The following RTEL1 variants were observed in gnomAD, a reference collection of about 807,000 sequenced individuals.
RTEL1 encodes the protein regulator of telomere length.
RTEL1 carries 86 observed loss-of-function variants against 162.2 expected under a neutral mutation model. The observed-to-expected ratio is 0.53, with a 90% CI of 0.45 to 0.63. The LOEUF is 0.63. Among genes scored for constraint, RTEL1 ranks in the 30% least tolerant of loss-of-function variants. The pLI is 0.00. For synonymous variants in RTEL1, 958 were observed against 717.9 expected (o/e 1.33, Z -5.35); for missense variants, 1,941 against 1,750.2 (o/e 1.11, Z -1.95).
intron 14 of RTEL1, among the ~76,000 whole-genome samples, chr20:63,683,663 C>T (rs1601149484): frequency 1.3e-5 from 2 of 152,206 alleles, no homozygotes; most frequent in South Asian, 4.1e-4. Context: ...AGAACTCCCT[C>T]AAGTCTGCGG....
chr20:63,672,083 C>T (rs1410174421), intron 8 of RTEL1, among the ~76,000 whole-genome samples: 1 of 129,506 alleles, frequency 7.7e-6, no homozygotes, highest in African/African-American at 3.1e-5. Context: ...GGGGTTTTAC[C>T]ATGTTGGCCA....
rs754642304 is a variant in RTEL1 at position 63,687,792 on chromosome 20, G to A, written c.1481+22G>A. ...AGATGTACGGGCCACCCCTGCCAGG[G>A]CCTGAGCACCGGTGACACCTCTGAC... On this transcript the variant is annotated intron_variant, in intron 17 of 34. Transcript: ENST00000360203. 2.6e-6 allele frequency: 4 copies of A among 1,559,070 alleles called. No homozygotes were observed. The Admixed American group carries it at 7.6e-5, about 30-fold the overall frequency.
intron 18 of RTEL1, 24 bp downstream of exon 18, chr20:63,688,074 G>C (rs1458168948): frequency 6.2e-7 from 1 of 1,611,506 alleles, no homozygotes; most frequent in Non-Finnish European, 8.5e-7. Context: ...CCTGGGCCCT[G>C]CTGGGGTGGG....
chr20:63,692,834 C>T lies in RTEL1; in HGVS notation c.2682C>T (p.Asp894=), dbSNP rs535831345. Residue 894 remains aspartate (D), a synonymous_variant, in exon 29 of 35, where the codon GAC becomes GAT. Transcript: ENST00000360203. ...AGCCCGTGGCTGGTGCACAGACGGA[C>T]AGGGCCAAGCTCTTCATGGTGGCCG... The part of the protein sequence containing the change: ...PEEPVAGAQT[D]RAKLFMVAVK... The T allele has an allele frequency of 1.2e-6, 2 of 1,612,442 alleles. No individual in the cohort carries two copies. The highest frequency in any genetic ancestry group is 2.2e-5 in the East Asian group (1 of 44,880).
In RTEL1 at chr20:63,661,997, C is replaced by A; in HGVS notation, c.395+54C>A. On this transcript the variant is annotated intron_variant, in intron 4 of 34. Transcript: ENST00000360203. The surrounding 1 kb of genome is among the most constrained non-coding windows in gnomAD (Gnocchi z 5.1). Reference sequence around the variant, plus strand: ...GGGGTCCTCAAGAGAACCAGCTTGGCATGGTGCTGAGTCCACAGCCCCATG... The same window carrying A: ...GGGGTCCTCAAGAGAACCAGCTTGGAATGGTGCTGAGTCCACAGCCCCATG... The A allele has an allele frequency of 7.4e-7, 1 of 1,357,818 alleles. No individual in the cohort carries two copies. Among genetic ancestry groups the A allele is most frequent in the Non-Finnish European group, 1.1e-6 (1 of 947,784 alleles). 84.1% of individuals were successfully genotyped at this position (1,357,818 alleles called of 1,614,324 possible).
chr20:63,679,278 T>A (rs77684897), intron 12 of RTEL1, among the ~76,000 whole-genome samples: 3 of 152,172 alleles, frequency 2.0e-5, no homozygotes, highest in African/African-American at 7.2e-5. Context: ...GGAATCCCAG[T>A]TGCTTCCAGG....
chr20:63,667,661 C>G, intron 8 of RTEL1, 108 bp downstream of exon 8: 1 of 915,480 alleles, frequency 1.1e-6, no homozygotes, highest in Non-Finnish European at 1.8e-6. Flanking sequence ...ATCAGCAGGC[C>G]TGGGTGGGAG....
intron 6 of RTEL1, 73 bp from the exon 7 acceptor site, chr20:63,665,931 C>A (rs950362592): frequency 6.9e-7 from 1 of 1,445,556 alleles, no homozygotes; most frequent in Non-Finnish European, 9.7e-7. Flanking sequence ...CCGTTCTGTC[C>A]TGGGCATCCC....
At chr20:63,694,341 C>T in intron 30 of RTEL1, 31 bp from the exon 31 acceptor site, 1 of 1,517,990 alleles carries the variant, frequency 6.6e-7, no homozygotes, top group Non-Finnish European at 9.1e-7. Context: ...ATGCTCTCGA[C>T]CAGCTTTGTG....
intron 21 of RTEL1, 153 bp downstream of exon 21, chr20:63,688,758 T>C: frequency 2.9e-6 from 2 of 687,916 alleles, no homozygotes; most frequent in South Asian, 3.8e-5. Flanking sequence ...TGGCCCTGAG[T>C]GTTGCCTCTT....
chr20:63,665,494 G>C (rs75274193), intron 6 of RTEL1, among the ~76,000 whole-genome samples: 9 of 152,364 alleles, frequency 5.9e-5, no homozygotes, highest in Non-Finnish European at 1.0e-4. Flanking sequence ...GCAGAGGGGA[G>C]TGGGCCACTG....
chr20:63,694,720 G>A, intron 31 of RTEL1, 21 bp from the exon 32 acceptor site: 1 of 1,575,990 alleles, frequency 6.3e-7, no homozygotes, highest in Non-Finnish European at 8.6e-7. Flanking sequence ...GCCACTCTGA[G>A]CCATGCTACT....
intron 6 of RTEL1, among the ~76,000 whole-genome samples, chr20:63,663,846 C>G (rs2090069585): frequency 6.6e-6 from 1 of 152,156 alleles, no homozygotes; most frequent in Non-Finnish European, 1.5e-5. Flanking sequence ...CCTGAAGCTG[C>G]TCTTGTATTT....
chr20:63,686,295 C>T (rs539696120), intron 16 of RTEL1: 48 of 243,926 alleles, frequency 2.0e-4, no homozygotes, highest in Non-Finnish European at 3.8e-4. Context: ...TCCGAAGCCC[C>T]TGGTGCGCTC....
Position 63,682,647 on chromosome 20 carries a change from G to A in RTEL1, c.1191+1928G>A, listed in dbSNP as rs560815829. 5.1e-6 allele frequency: 5 copies of A among 985,810 alleles called. No individual in the cohort carries two copies. In the African/African-American group the frequency reaches 7.0e-5, roughly 14 times the overall value. 61.1% of individuals were successfully genotyped at this position (985,810 alleles called of 1,614,324 possible). A position where few individuals can be genotyped will look rare whatever the true frequency, so the allele number is the denominator to read the frequency against. The stretch of plus-strand genomic sequence containing the variant: ...ACAGTGCTCACCCGCGTTGGCTCCT[G>A]AGCCCCTGCAGGTGTGGGCGGTGCC... On this transcript the variant is annotated intron_variant, in intron 14 of 34. Transcript: ENST00000360203.
intron 30 of RTEL1, among the ~76,000 whole-genome samples, chr20:63,694,042 T>TAGTTCACCC: frequency 6.6e-6 from 1 of 152,088 alleles, no homozygotes; most frequent in South Asian, 2.1e-4. Flanking sequence ...AGAGTTCCCC[T>TAGTTCACCC]AGTTCACCCA....
chr20:63,685,742 C>T (rs1036273850), intron 15 of RTEL1, 49 bp from the exon 16 acceptor site: 2 of 1,596,882 alleles, frequency 1.3e-6, no homozygotes, highest in East Asian at 2.3e-5. Flanking sequence ...AAGGGGCTGC[C>T]CCCAGGACAT....
intron 34 of RTEL1, 63 bp from the exon 35 acceptor site, chr20:63,695,715 G>A (rs1327118661): frequency 6.2e-6 from 10 of 1,604,906 alleles, no homozygotes; most frequent in Non-Finnish European, 7.7e-6. Flanking sequence ...AGGGGGAAAG[G>A]GCAGGCCCTT....
intron 6 of RTEL1, among the ~76,000 whole-genome samples, chr20:63,664,247 C>T (rs755574220): frequency 8.5e-5 from 13 of 152,280 alleles, no homozygotes; most frequent in Non-Finnish European, 1.5e-4. Flanking sequence ...CTCAAGCAGG[C>T]GTCATTTCCG....
Sources: allele counts gnomAD v4.1 joint callset (sites outside exome capture counted in the v4.1 genomes callset), GRCh38; gene constraint gnomAD v4.1.1; non-coding constraint Gnocchi (gnomAD v3.1); transcripts MANE v1.5; gene names NCBI Gene and HGNC (gene_info 2026-07-23, HGNC 2026-07-21).